The following PCDHGB2 variants were observed in gnomAD, a reference collection of about 807,000 sequenced individuals.
The protein encoded by PCDHGB2 is protocadherin gamma-B2.
Under a neutral mutation model 59.3 loss-of-function variants are expected in PCDHGB2, and 55 were observed. The ratio of observed to expected loss-of-function variants is 0.93; its 90% CI spans 0.75 to 1.16. The LOEUF (loss-of-function observed/expected upper bound fraction) is 1.16, where lower values mean the gene tolerates loss of function less well. Ranked by LOEUF, PCDHGB2 falls within the 50% of genes most tolerant of loss-of-function variation. The probability of loss-of-function intolerance (pLI) is 0.00; values close to 1 mark genes in which losing one functional copy is unlikely to be tolerated. For synonymous variants in PCDHGB2, 516 were observed against 512.0 expected (o/e 1.01, Z -0.11); for missense variants, 1,228 against 1,198.5 (o/e 1.02, Z -0.36).
At chr5:141,470,001 C>T (rs753591964) in intron 1 of PCDHGB2, among the ~76,000 whole-genome samples, 6 of 152,006 alleles carry the variant, frequency 3.9e-5, no homozygotes, top group Admixed American at 1.3e-4. Context: ...CGTCGTGGCA[C>T]GCCTGTAATC....
At chr5:141,455,375 G>A (rs1247820974) in intron 1 of PCDHGB2, among the ~76,000 whole-genome samples, 1 of 152,132 alleles carries the variant, frequency 6.6e-6, no homozygotes, top group Non-Finnish European at 1.5e-5. Context: ...GAAGGGAGAA[G>A]ACAGAAGGAA....
chr5:141,441,764 C>A, intron 1 of PCDHGB2: 1 of 384,482 alleles, frequency 2.6e-6, no homozygotes, highest in South Asian at 2.1e-5. Flanking sequence ...TGAGCCTGCG[C>A]GTGTTGGTGG....
intron 1 of PCDHGB2, chr5:141,400,037 G>T (rs778871485): frequency 3.1e-6 from 5 of 1,613,132 alleles, no homozygotes; most frequent in Admixed American, 1.7e-5. Flanking sequence ...GCCCGCCAGC[G>T]CCTGCTGGTT....
rs758099753 is a variant in PCDHGB2, at chr5:141,432,129, A to G, written c.2422-62678A>G. The G allele has an allele frequency of 5.6e-6, 9 of 1,614,054 alleles. No homozygotes were observed. The highest frequency in any genetic ancestry group is 5.5e-5 in the South Asian group (5 of 91,056). On this transcript the variant is annotated intron_variant, in intron 1 of 3. Transcript: ENST00000522605. The surrounding 1 kb of genome is among the most constrained non-coding windows in gnomAD (Gnocchi z 6.0). Reference sequence around the variant, plus strand: ...CCGCCGGTCTTCCCTCAGGCCTCCTATTCCGCTTATATCCCAGAGAACAAT... The same window carrying G: ...CCGCCGGTCTTCCCTCAGGCCTCCTGTTCCGCTTATATCCCAGAGAACAAT...
chr5:141,388,657 G>C (rs769160604), intron 1 of PCDHGB2: 2 of 1,613,878 alleles, frequency 1.2e-6, no homozygotes, highest in African/African-American at 1.3e-5. Flanking sequence ...GTGTACCCGG[G>C]GACCACGGTG....
Position 141,384,065 on chromosome 5 carries a change from A to G in PCDHGB2, c.2421+21509A>G, listed in dbSNP as rs1209284047. ...GAGGTGACCTGCACCATTCCAGAAAACCTACCTTTTAAATTAGAAAAATCA... is the reference window on the plus strand; with the variant it reads ...GAGGTGACCTGCACCATTCCAGAAAGCCTACCTTTTAAATTAGAAAAATCA... On this transcript the variant is annotated intron_variant, in intron 1 of 3. Transcript: ENST00000522605. 2 of 1,607,382 alleles carry G rather than the reference A, an allele frequency of 1.2e-6. No individual in the cohort carries two copies. The highest frequency in any genetic ancestry group is 1.7e-5 in the Admixed American group (1 of 58,998).
chr5:141,382,427 G>T (rs1422765851), intron 1 of PCDHGB2, among the ~76,000 whole-genome samples: 1 of 152,138 alleles, frequency 6.6e-6, no homozygotes, highest in African/African-American at 2.4e-5. Context: ...GTGCCCAAAA[G>T]AGTCACTTGA....
chr5:141,384,835 G>A (rs1390926308), intron 1 of PCDHGB2: 2 of 1,613,468 alleles, frequency 1.2e-6, no homozygotes, highest in East Asian at 2.2e-5. Flanking sequence ...CGTGGTGGCC[G>A]TCCAGGACCA....
rs1049831420 is a variant in PCDHGB2 at position 141,486,549 on chromosome 5, C to T, written c.2422-8258C>T. ...AATCCACCCTCTTTCTTTCAGAGGTCACATGAGGTGTTTGTTCCTGAGAAC... is the reference window on the plus strand; with the variant it reads ...AATCCACCCTCTTTCTTTCAGAGGTTACATGAGGTGTTTGTTCCTGAGAAC... On this transcript the variant is annotated intron_variant, in intron 1 of 3. Coordinates refer to ENST00000522605, the MANE Select transcript of PCDHGB2 (RefSeq NM_018923.3). This position sits in a 1 kb window ranked among gnomAD's most constrained non-coding sequence, Gnocchi z 5.0. The T allele has an allele frequency of 3.1e-6, 5 of 1,613,982 alleles. No individual in the cohort carries two copies. In the African/African-American group the frequency reaches 4.0e-5, roughly 13 times the overall value.
chr5:141,500,520 T>A (rs2099801106), intron 2 of PCDHGB2, among the ~76,000 whole-genome samples: 1 of 152,194 alleles, frequency 6.6e-6, no homozygotes, highest in South Asian at 2.1e-4. Context: ...AGCTTCATTT[T>A]AAAAAAATCT....
At chr5:141,428,021 C>G (rs1185050109) in intron 1 of PCDHGB2, 1 of 1,605,486 alleles carries the variant, frequency 6.2e-7, no homozygotes, top group Admixed American at 1.7e-5. Flanking sequence ...TGCCACGCGC[C>G]GCAGAGTCCG....
rs1404533394 is a variant in PCDHGB2, at chr5:141,491,708, G to T, written c.2422-3099G>T. ...CTGCGGGAGCGGAGCCAGGTGAGGG[G>T]CTCGGCGCCGCCCCGGGCGACCCCT... On this transcript the variant is annotated intron_variant, in intron 1 of 3. Transcript: ENST00000522605. The surrounding 1 kb of genome is among the most constrained non-coding windows in gnomAD (Gnocchi z 6.9). 1 of 1,610,132 alleles carries T rather than the reference G, an allele frequency of 6.2e-7. No individual in the cohort carries two copies. Among genetic ancestry groups the T allele is most frequent in the Admixed American group, 1.7e-5 (1 of 59,518 alleles).
At chr5:141,375,308 G>T (rs761294258) in intron 1 of PCDHGB2, 24 of 1,613,722 alleles carry the variant, frequency 1.5e-5, no homozygotes, top group Non-Finnish European at 8.5e-7. Flanking sequence ...GACAAATGCA[G>T]CTCTAGACCG....
At chr5:141,385,779 A>G (rs956234823) in intron 1 of PCDHGB2, 3 of 161,336 alleles carry the variant, frequency 1.9e-5, no homozygotes, top group Admixed American at 1.8e-4. Context: ...GCCTCCATGT[A>G]CCTCAGCTTG....
At chr5:141,481,844 G>A (rs552753850) in intron 1 of PCDHGB2, among the ~76,000 whole-genome samples, 7 of 151,350 alleles carry the variant, frequency 4.6e-5, no homozygotes, top group Admixed American at 1.3e-4. Context: ...TCGCTTGATG[G>A]TGGAGGTTGC....
At chr5:141,395,134 A>G (rs1468654358) in intron 1 of PCDHGB2, 7 of 1,614,062 alleles carry the variant, frequency 4.3e-6, no homozygotes, top group Middle Eastern at 1.6e-4. Flanking sequence ...CCCCAGCCCA[A>G]CTACGCAGAC....
rs570982273 is a variant in PCDHGB2, at chr5:141,476,764, G to T, written c.2422-18043G>T. On this transcript the variant is annotated intron_variant, in intron 1 of 3. Coordinates refer to ENST00000522605, the MANE Select transcript of PCDHGB2 (RefSeq NM_018923.3). This position sits in a 1 kb window ranked among gnomAD's most constrained non-coding sequence, Gnocchi z 7.6. ...CTAGTCTCCAGTTAGTGCTGACGGC[G>T]TTGGACGGAGGGACCCCAGCTCTCT... 1.2e-5 allele frequency: 19 copies of T among 1,613,794 alleles called. No individual in the cohort carries two copies. In the East Asian group the frequency reaches 3.8e-4, roughly 32 times the overall value.
chr5:141,383,228 T>C (rs1778950138), intron 1 of PCDHGB2: 1 of 1,613,936 alleles, frequency 6.2e-7, no homozygotes, highest in Non-Finnish European at 8.5e-7. Context: ...AACATCCTGA[T>C]GGAAGATAAA....
At chr5:141,394,686 G>A in intron 1 of PCDHGB2, 4 of 1,612,316 alleles carry the variant, frequency 2.5e-6, no homozygotes, top group Non-Finnish European at 3.4e-6. Context: ...GCACACGGGC[G>A]AGGTGCGCAC....
Sources: gnomAD v4.1 joint callset for allele counts (sites outside exome capture counted in the v4.1 genomes callset) on GRCh38, gnomAD v4.1.1 for gene constraint, Gnocchi (gnomAD v3.1) non-coding constraint, MANE v1.5 for transcripts, NCBI Gene and HGNC (gene_info 2026-07-23, HGNC 2026-07-21) for gene names.